The following STK33 variants were observed in gnomAD, a reference collection of about 807,000 sequenced individuals.
STK33 encodes serine/threonine-protein kinase 33.
In STK33, 52 loss-of-function variants were observed where a neutral mutation model predicts 58.0. That is an observed-to-expected ratio of 0.90 (90% CI 0.72 to 1.13). The LOEUF is 1.13. Ranked by LOEUF, STK33 falls within the 50% of genes most tolerant of loss-of-function variation. STK33 has a pLI of 0.00. For missense variants in STK33, 630 were observed against 604.2 expected (o/e 1.04, Z -0.45); for synonymous variants, 215 against 200.1 (o/e 1.07, Z -0.63).
chr11:8,384,023 T>G, the STK33 span, among the ~76,000 whole-genome samples: 1 of 152,150 alleles, frequency 6.6e-6, no homozygotes, highest in Non-Finnish European at 1.5e-5. Flanking sequence ...GATCTCAAAC[T>G]TCATACGATC....
At chr11:8,537,584 C>A (rs1283670810) in intron 1 of STK33, among the ~76,000 whole-genome samples, 2 of 151,956 alleles carry the variant, frequency 1.3e-5, no homozygotes, top group African/African-American at 4.8e-5. Flanking sequence ...TTCTGTAGTA[C>A]ACATTATTGT....
chr11:8,341,546 A>C, the STK33 span, among the ~76,000 whole-genome samples: 1 of 152,214 alleles, frequency 6.6e-6, no homozygotes, highest in Non-Finnish European at 1.5e-5. Flanking sequence ...CGTGTTGGCA[A>C]TATGCCCTCA....
intron 15 of STK33, among the ~76,000 whole-genome samples, chr11:8,399,121 T>C (rs965759717): frequency 2.6e-5 from 4 of 152,220 alleles, no homozygotes; most frequent in African/African-American, 9.6e-5. Flanking sequence ...GTGGACCTAA[T>C]AGACTTCTAC....
At chr11:8,445,361 T>A (rs61052603) in intron 11 of STK33, among the ~76,000 whole-genome samples, 6,021 of 152,284 alleles carry the variant, frequency 0.04, 349 homozygotes, top group African/African-American at 0.12. Flanking sequence ...CCTATTTGAA[T>A]ACCCTTTATT....
chr11:8,571,629 C>T (rs1488576761), intron 1 of STK33, among the ~76,000 whole-genome samples: 2 of 152,030 alleles, frequency 1.3e-5, no homozygotes, highest in Admixed American at 6.5e-5. Flanking sequence ...GTCAGGAGAT[C>T]GAGACCATCC....
chr11:8,416,175 T>C (rs912514346), intron 14 of STK33, among the ~76,000 whole-genome samples: 4 of 152,048 alleles, frequency 2.6e-5, no homozygotes, highest in African/African-American at 9.7e-5. Context: ...ATGCCGAAAG[T>C]GAAAACTGAA....
At chr11:8,387,640 CACT>C (rs1848562054), downstream of STK33, among the ~76,000 whole-genome samples, 1 of 152,200 alleles carries the variant, frequency 6.6e-6, no homozygotes, top group Non-Finnish European at 1.5e-5. Flanking sequence ...GGATCCCATC[CACT>C]ATTATAGCTC....
At chr11:8,439,249 A>T (rs888679217) in intron 12 of STK33, among the ~76,000 whole-genome samples, 1 of 152,202 alleles carries the variant, frequency 6.6e-6, no homozygotes, top group Non-Finnish European at 1.5e-5. Flanking sequence ...AGGAATGCAA[A>T]GATGAATAAT....
chr11:8,369,127 T>G, the STK33 span, among the ~76,000 whole-genome samples: 1 of 152,226 alleles, frequency 6.6e-6, no homozygotes, highest in East Asian at 1.9e-4. Flanking sequence ...AAAGTGTATT[T>G]ATAATATGAC....
At position 8,421,838 on chromosome 11, in the gene STK33, T is replaced by C. The variant is rs1001656534; in HGVS notation, c.1147-8146A>G. On this transcript the variant is annotated intron_variant, in intron 14 of 15. Coordinates refer to ENST00000687296, the MANE Select transcript of STK33 (RefSeq NM_001352389.2). ...TTATATTCTTTGCTACTATTTTACATGATGTCTTCATTTTTATTACATTTT... is the reference window on the plus strand; with the variant it reads ...TTATATTCTTTGCTACTATTTTACACGATGTCTTCATTTTTATTACATTTT... Among the ~76,000 whole-genome samples, 15 of 152,308 alleles carry C rather than the reference T, an allele frequency of 9.8e-5. No individual in the cohort carries two copies. The East Asian group carries it at 2.9e-3, about 29-fold the overall frequency.
At chr11:8,469,129 A>G (rs998061891) in intron 6 of STK33, among the ~76,000 whole-genome samples, 1 of 152,198 alleles carries the variant, frequency 6.6e-6, no homozygotes, top group Non-Finnish European at 1.5e-5. Context: ...TGGTGCATCA[A>G]TTGACTCTTC....
chr11:8,386,194 C>T, the STK33 span, among the ~76,000 whole-genome samples: 1 of 152,216 alleles, frequency 6.6e-6, no homozygotes, highest in Non-Finnish European at 1.5e-5. Context: ...CTATTCCCCT[C>T]CAAGCAATCA....
At chr11:8,545,219 T>A (rs1591721451) in intron 1 of STK33, among the ~76,000 whole-genome samples, 2 of 152,274 alleles carry the variant, frequency 1.3e-5, no homozygotes, top group South Asian at 4.1e-4. Flanking sequence ...AATAAATCCA[T>A]TACCTAGACA....
chr11:8,491,878 C>A (rs1467821522), intron 1 of STK33, among the ~76,000 whole-genome samples: 2 of 152,120 alleles, frequency 1.3e-5, no homozygotes, highest in Admixed American at 6.6e-5. Flanking sequence ...AAAATCCTTT[C>A]TAGACAAGCA....
At chr11:8,416,780 A>G (rs1051752276) in intron 14 of STK33, among the ~76,000 whole-genome samples, 3 of 152,166 alleles carry the variant, frequency 2.0e-5, no homozygotes, top group African/African-American at 4.8e-5. Flanking sequence ...AGGATCCAGA[A>G]TAAGAGTATT....
intron 1 of STK33, among the ~76,000 whole-genome samples, chr11:8,583,596 A>AC (rs1218667367): frequency 6.6e-6 from 1 of 152,112 alleles, no homozygotes; most frequent in African/African-American, 2.4e-5. Context: ...AAAGAAGTTA[A>AC]CCCCCCTATA....
At chr11:8,394,723 T>C (rs1449553510) in intron 15 of STK33, among the ~76,000 whole-genome samples, 4 of 152,160 alleles carry the variant, frequency 2.6e-5, no homozygotes, top group Non-Finnish European at 5.9e-5. Context: ...GGATACAATA[T>C]CTTGAGATCA....
intron 2 of STK33, among the ~76,000 whole-genome samples, chr11:8,479,208 G>A (rs1436073076): frequency 2.0e-5 from 3 of 151,878 alleles, no homozygotes; most frequent in Non-Finnish European, 4.4e-5. Context: ...AGGTCAGATC[G>A]AGACCATCCT....
the STK33 span, among the ~76,000 whole-genome samples, chr11:8,354,074 A>G: frequency 6.6e-6 from 1 of 152,296 alleles, no homozygotes; most frequent in East Asian, 1.9e-4. Context: ...CTTGCTTTGC[A>G]GAGCCACGGA....
Sources: allele counts gnomAD v4.1 joint callset (sites outside exome capture counted in the v4.1 genomes callset), GRCh38; gene constraint gnomAD v4.1.1; transcripts MANE v1.5; gene names NCBI Gene and HGNC (gene_info 2026-07-23, HGNC 2026-07-21).